Variants in JAKMIP1 observed in about 807,000 individuals in gnomAD.
JAKMIP1 encodes the protein janus kinase and microtubule-interacting protein 1.
JAKMIP1 carries 33 observed loss-of-function variants against 113.0 expected under a neutral mutation model. The ratio of observed to expected loss-of-function variants is 0.29; its 90% CI spans 0.22 to 0.39. The LOEUF (loss-of-function observed/expected upper bound fraction) is 0.39. Among genes scored for constraint, JAKMIP1 ranks in the 10% least tolerant of loss-of-function variants. The pLI is 1.00. For missense variants in JAKMIP1, 813 were observed against 1,080.5 expected (o/e 0.75, Z 3.47); for synonymous variants, 480 against 459.9 (o/e 1.04, Z -0.56).
At chr4:6,112,625 C>G (rs903311536) in intron 2 of JAKMIP1, 97 bp downstream of exon 2, 43 of 1,463,896 alleles carry the variant, frequency 2.9e-5, no homozygotes, top group African/African-American at 6.9e-5. Flanking sequence ...CTCGGCCCCC[C>G]TCCTGGAACA....
intron 1 of JAKMIP1, among the ~76,000 whole-genome samples, chr4:6,166,266 T>C (rs1356630975): frequency 1.3e-5 from 2 of 152,222 alleles, no homozygotes; most frequent in Non-Finnish European, 2.9e-5. Context: ...TCCAGTATCA[T>C]GTCCAGCTTC....
At chr4:6,043,848 C>T (rs569507932) in intron 16 of JAKMIP1, among the ~76,000 whole-genome samples, 34 of 152,208 alleles carry the variant, frequency 2.2e-4, no homozygotes, top group African/African-American at 5.1e-4. Context: ...CCAGCACCCC[C>T]GACAACACTG....
At chr4:6,063,483 GCCT>G (rs1457539902) in intron 9 of JAKMIP1, among the ~76,000 whole-genome samples, 1 of 152,244 alleles carries the variant, frequency 6.6e-6, no homozygotes, top group Admixed American at 6.5e-5. Flanking sequence ...ACTGTTGTGT[GCCT>G]CCAGCACTGG....
chr4:6,104,370 G>A (rs563308055), intron 3 of JAKMIP1, among the ~76,000 whole-genome samples: 23 of 152,250 alleles, frequency 1.5e-4, no homozygotes, highest in Admixed American at 4.6e-4. Flanking sequence ...TACATTTTGA[G>A]GTTTTGTTAT....
intron 1 of JAKMIP1, among the ~76,000 whole-genome samples, chr4:6,189,083 AAAG>A (rs1292610549): frequency 1.3e-5 from 2 of 152,332 alleles, no homozygotes; most frequent in Non-Finnish European, 2.9e-5. Flanking sequence ...CAACATCCAG[AAAG>A]AAGGTTTGTC....
chr4:6,120,452 A>G (rs916056372), intron 1 of JAKMIP1, among the ~76,000 whole-genome samples: 4 of 152,328 alleles, frequency 2.6e-5, no homozygotes, highest in Non-Finnish European at 2.9e-5. Context: ...AAAACTGGAA[A>G]TAACCTCAGG....
rs1391754147 is a variant in JAKMIP1, at chr4:6,136,716, G to A, written c.-147-23719C>T. Among the ~76,000 whole-genome samples the A allele has an allele frequency of 6.6e-6, 1 of 152,126 alleles. No homozygotes were observed. Among genetic ancestry groups the A allele is most frequent in the East Asian group, 1.9e-4 (1 of 5,194 alleles). On this transcript the variant is annotated intron_variant, in intron 1 of 20. Transcript: ENST00000409021. The surrounding 1 kb of genome is among the most constrained non-coding windows in gnomAD (Gnocchi z 5.9). ...GGAATTCCAAGAAATGGCCTGCCCA[G>A]GAAAAATAAATAAATAACAAGAACT...
chr4:6,111,663 G>C (rs1007295125), intron 2 of JAKMIP1, among the ~76,000 whole-genome samples: 1 of 152,170 alleles, frequency 6.6e-6, no homozygotes, highest in Admixed American at 6.5e-5. Flanking sequence ...GTTTGAAACC[G>C]GGTCTGCCTA....
At chr4:6,125,390 C>T (rs866783577) in intron 1 of JAKMIP1, among the ~76,000 whole-genome samples, 10 of 152,250 alleles carry the variant, frequency 6.6e-5, no homozygotes, top group Middle Eastern at 3.4e-3. Context: ...ACACAGGCCA[C>T]CCAATGCCAC....
Position 6,099,140 on chromosome 4 carries a change from T to C in JAKMIP1, c.624+6333A>G, listed in dbSNP as rs570250503. 1.4e-4 allele frequency among the ~76,000 whole-genome samples: 21 copies of C among 152,376 alleles called. No homozygotes were observed. In the South Asian group the frequency reaches 2.7e-3, roughly 20 times the overall value. The stretch of plus-strand genomic sequence containing the variant: ...CTTCAGGGAAAGTGGGTCTTTATAT[T>C]TAAAGTGTGACTTTTGTATCCACTC... On this transcript the variant is annotated intron_variant, in intron 3 of 20. Coordinates refer to ENST00000409021, the MANE Select transcript of JAKMIP1 (RefSeq NM_001099433.2).
At chr4:6,052,210 AAAAAT>A (rs1715738809) in intron 13 of JAKMIP1, among the ~76,000 whole-genome samples, 1 of 129,550 alleles carries the variant, frequency 7.7e-6, no homozygotes, top group Non-Finnish European at 1.5e-5. Context: ...CAAAATTTAA[AAAAAT>A]AAAATAAAAA....
In JAKMIP1 at chr4:6,049,726, GA is replaced by G; in HGVS notation, c.1962+92del. The G allele has an allele frequency of 1.1e-6, 1 of 935,918 alleles. No individual in the cohort carries two copies. Among genetic ancestry groups the G allele is most frequent in the Non-Finnish European group, 1.7e-6 (1 of 586,256 alleles). 58.0% of individuals were successfully genotyped at this position (935,918 alleles called of 1,614,324 possible). A position where few individuals can be genotyped will look rare whatever the true frequency, so the allele number is the denominator to read the frequency against. ...TACTTCTTAGATCTCTTACATCAGAGAGAAATTAAAAACAAAACAAAACAAA... is the reference window on the plus strand; with the variant it reads ...TACTTCTTAGATCTCTTACATCAGAGGAAATTAAAAACAAAACAAAACAAA... On this transcript the variant is annotated intron_variant, in intron 15 of 20. Coordinates refer to ENST00000409021, the MANE Select transcript of JAKMIP1 (RefSeq NM_001099433.2). The surrounding 1 kb of genome is among the most constrained non-coding windows in gnomAD (Gnocchi z 7.0).
chr4:6,087,366 G>A (rs1291485749), intron 3 of JAKMIP1, among the ~76,000 whole-genome samples: 2 of 152,120 alleles, frequency 1.3e-5, no homozygotes, highest in African/African-American at 4.8e-5. Context: ...AACCAACTCT[G>A]TCTAACTGTT....
rs183068327 is a variant in JAKMIP1 at position 6,067,936 on chromosome 4, C to T, written c.1303-2928G>A. ...CTTGTAAACACTGCTAACTGCAAGG[C>T]CTTTGGGGACGAGTCTGTTTGTTGC... On this transcript the variant is annotated intron_variant, in intron 8 of 20. Coordinates refer to ENST00000409021, the MANE Select transcript of JAKMIP1 (RefSeq NM_001099433.2). The surrounding 1 kb of genome is among the most constrained non-coding windows in gnomAD (Gnocchi z 4.6). 6.6e-6 allele frequency among the ~76,000 whole-genome samples: 1 copy of T among 152,180 alleles called. No homozygotes were observed. The highest frequency in any genetic ancestry group is 6.5e-5 in the Admixed American group (1 of 15,272).
Position 6,137,743 on chromosome 4 carries a change from A to G in JAKMIP1, c.-147-24746T>C, listed in dbSNP as rs1461648111. Among the ~76,000 whole-genome samples, 1 of 152,226 alleles carries G rather than the reference A, an allele frequency of 6.6e-6. No homozygotes were observed. The highest frequency in any genetic ancestry group is 2.4e-5 in the African/African-American group (1 of 41,470). On this transcript the variant is annotated intron_variant, in intron 1 of 20. Coordinates refer to ENST00000409021, the MANE Select transcript of JAKMIP1 (RefSeq NM_001099433.2). This position sits in a 1 kb window ranked among gnomAD's most constrained non-coding sequence, Gnocchi z 4.5. Reference sequence around the variant, plus strand: ...ATCACTTAGGTTCCATCATTCATTCAATTCATCAGTCCTTCAATCACACAG... The same window carrying G: ...ATCACTTAGGTTCCATCATTCATTCGATTCATCAGTCCTTCAATCACACAG...
At chr4:6,078,910 G>A in intron 8 of JAKMIP1, 29 bp downstream of exon 8, 2 of 1,613,232 alleles carry the variant, frequency 1.2e-6, no homozygotes. Context: ...CAGCGGCAAG[G>A]TAGGGCAGGT....
intron 3 of JAKMIP1, among the ~76,000 whole-genome samples, chr4:6,098,044 G>A (rs1274680875): frequency 3.9e-5 from 6 of 152,202 alleles, no homozygotes; most frequent in African/African-American, 1.4e-4. Context: ...TCGAGAACAT[G>A]GTTCTGATAC....
At chr4:6,175,425 A>T (rs1333154185) in intron 1 of JAKMIP1, among the ~76,000 whole-genome samples, 2 of 152,232 alleles carry the variant, frequency 1.3e-5, no homozygotes, top group Non-Finnish European at 1.5e-5. Context: ...AGTACAGGTG[A>T]ATGCCATTTT....
At chr4:6,075,113 G>A (rs939082882) in intron 8 of JAKMIP1, among the ~76,000 whole-genome samples, 1 of 152,196 alleles carries the variant, frequency 6.6e-6, no homozygotes, top group Non-Finnish European at 1.5e-5. Context: ...AGGTTGCAGT[G>A]AGCCAAGAGC....
Sources: allele counts gnomAD v4.1 joint callset (sites outside exome capture counted in the v4.1 genomes callset), GRCh38; gene constraint gnomAD v4.1.1; non-coding constraint Gnocchi (gnomAD v3.1); transcripts MANE v1.5; gene names NCBI Gene and HGNC (gene_info 2026-07-23, HGNC 2026-07-21).